UNC13B: variants seen among roughly 807,000 people sequenced by gnomAD.
UNC13B encodes unc-13 homolog B.
UNC13B carries 144 observed loss-of-function variants against 211.0 expected under a neutral mutation model. The observed-to-expected ratio is 0.68, with a 90% confidence interval of 0.60 to 0.78. UNC13B has a LOEUF of 0.78. UNC13B is among the 30% of genes least tolerant of loss of function. The pLI is 0.00. For missense variants in UNC13B, 1,777 were observed against 2,002.0 expected (o/e 0.89, Z 2.14); for synonymous variants, 709 against 725.8 (o/e 0.98, Z 0.37).
chr9:35,367,036 T>A, intron 12 of UNC13B, 43 bp downstream of exon 12: 1 of 1,570,276 alleles, frequency 6.4e-7, no homozygotes, highest in Non-Finnish European at 8.8e-7. Context: ...TTATTCAGTA[T>A]CTCTTGATGC....
In UNC13B at chr9:35,399,826, A is replaced by G; in HGVS notation, c.12336+97A>G. ...ACCAGGTGTCCCTCCAATTCTTAACACTCCACATCCAGAAGAGAGTTACTA... is the reference window on the plus strand; with the variant it reads ...ACCAGGTGTCCCTCCAATTCTTAACGCTCCACATCCAGAAGAGAGTTACTA... On this transcript the variant is annotated intron_variant, in intron 36 of 39. Coordinates refer to ENST00000635942, the MANE Select transcript of UNC13B (RefSeq NM_001371189.2). The G allele has an allele frequency of 2.5e-6, 3 of 1,181,228 alleles. No homozygotes were observed. In the South Asian group the frequency reaches 3.8e-5, roughly 15 times the overall value. 73.2% of individuals were successfully genotyped at this position (1,181,228 alleles called of 1,614,324 possible).
chr9:35,228,129 C>A, intron 2 of UNC13B, 85 bp downstream of exon 2: 4 of 1,210,480 alleles, frequency 3.3e-6, no homozygotes, highest in South Asian at 2.9e-5. Context: ...ATTCATTGAT[C>A]AAATTCAGTA....
At chr9:35,190,759 G>T (rs1822613844) in intron 1 of UNC13B, among the ~76,000 whole-genome samples, 1 of 152,152 alleles carries the variant, frequency 6.6e-6, no homozygotes, top group Non-Finnish European at 1.5e-5. Context: ...AGCCTTTTAA[G>T]TATATCTATA....
chr9:35,178,657 G>A (rs1453914874), intron 1 of UNC13B, among the ~76,000 whole-genome samples: 1 of 151,888 alleles, frequency 6.6e-6, no homozygotes, highest in Non-Finnish European at 1.5e-5. Flanking sequence ...TTGGGAGGCC[G>A]AGGCGGGTGG....
intron 10 of UNC13B, among the ~76,000 whole-genome samples, chr9:35,313,446 G>A (rs1418805896): frequency 3.3e-5 from 5 of 151,858 alleles, no homozygotes; most frequent in Non-Finnish European, 5.9e-5. Flanking sequence ...GCAACATGGC[G>A]AAACATCGTC....
intron 7 of UNC13B, 27 bp from the exon 8 acceptor site, chr9:35,295,669 C>T (rs1222572705): frequency 1.2e-6 from 2 of 1,600,528 alleles, no homozygotes; most frequent in Admixed American, 3.3e-5. Flanking sequence ...AGCTGGGGTG[C>T]TTTGATTGAA....
At position 35,379,647 on chromosome 9, in the gene UNC13B, T is replaced by C. The variant is rs1834684657; in HGVS notation, c.10206-823T>C. Among the ~76,000 whole-genome samples the C allele has an allele frequency of 2.6e-5, 4 of 152,194 alleles. No homozygotes were observed. The South Asian group carries it at 8.3e-4, about 31-fold the overall frequency. On this transcript the variant is annotated intron_variant, in intron 17 of 39. Coordinates refer to ENST00000635942, the MANE Select transcript of UNC13B (RefSeq NM_001371189.2). The stretch of plus-strand genomic sequence containing the variant: ...TTTAGTAAACAGTTTATTAAGCTCA[T>C]ATTCTGTACAAGACACTATACATAA...
chr9:35,324,596 T>C (rs1830908430), intron 11 of UNC13B, among the ~76,000 whole-genome samples: 1 of 152,170 alleles, frequency 6.6e-6, no homozygotes, highest in South Asian at 2.1e-4. Context: ...AACTTAGTGG[T>C]TGCTTTTCAG....
intron 11 of UNC13B, chr9:35,351,235 CAAACTAA>C: frequency 2.9e-6 from 3 of 1,043,110 alleles, no homozygotes; most frequent in Non-Finnish European, 3.5e-6. Context: ...CAACTTGATT[CAAACTAA>C]AATCATCCTG....
chr9:35,394,036 G>A (rs1048887113), intron 26 of UNC13B, among the ~76,000 whole-genome samples: 6 of 152,154 alleles, frequency 3.9e-5, no homozygotes, highest in Admixed American at 1.3e-4. Flanking sequence ...AGTAATCCAG[G>A]TTACAGATGG....
At chr9:35,294,323 T>C (rs1423311144) in intron 7 of UNC13B, among the ~76,000 whole-genome samples, 1 of 152,134 alleles carries the variant, frequency 6.6e-6, no homozygotes, top group Non-Finnish European at 1.5e-5. Context: ...TTTTTTTTTT[T>C]TGAGACGGAG....
chr9:35,378,304 C>A lies in UNC13B; in HGVS notation c.10073C>A (p.Ala3358Asp). ...SAKITITVVC[A>D]QGLQAKDKTG... ...CATGCTTGGGTTGCAGTGGTGTGTGCCCAGGGCCTACAAGCCAAGGACAAA... is the reference window on the plus strand; with the variant it reads ...CATGCTTGGGTTGCAGTGGTGTGTGACCAGGGCCTACAAGCCAAGGACAAA... The change falls in exon 17 of 40, where the codon GCC becomes GAC. Residue 3358 changes from alanine (A) to aspartate (D), a missense_variant. Ala to Asp is a moderately radical substitution (Grantham distance 126). Transcript: ENST00000635942. 1 of 1,614,102 alleles carries A rather than the reference C, an allele frequency of 6.2e-7. No homozygotes were observed. The highest frequency in any genetic ancestry group is 8.5e-7 in the Non-Finnish European group (1 of 1,180,026).
At chr9:35,172,532 C>G (rs1821389488) in intron 1 of UNC13B, among the ~76,000 whole-genome samples, 1 of 152,178 alleles carries the variant, frequency 6.6e-6, no homozygotes, top group Non-Finnish European at 1.5e-5. Context: ...GGTTAGATAA[C>G]CAGCTTTGCA....
intron 10 of UNC13B, among the ~76,000 whole-genome samples, chr9:35,313,349 G>A (rs1184181912): frequency 6.6e-6 from 1 of 152,110 alleles, no homozygotes; most frequent in Non-Finnish European, 1.5e-5. Flanking sequence ...AACAGATGAG[G>A]CGCAGTGGCT....
intron 7 of UNC13B, among the ~76,000 whole-genome samples, chr9:35,282,321 C>G (rs930886471): frequency 3.3e-5 from 5 of 152,150 alleles, no homozygotes; most frequent in Non-Finnish European, 7.4e-5. Flanking sequence ...TTACTCTCTT[C>G]TTGTTCTTTA....
intron 6 of UNC13B, among the ~76,000 whole-genome samples, chr9:35,247,362 T>C (rs888426712): frequency 1.3e-5 from 2 of 152,206 alleles, no homozygotes; most frequent in Non-Finnish European, 2.9e-5. Context: ...TCCTGCCTGA[T>C]TGCCCTGGCC....
At chr9:35,355,437 C>T (rs10511920) in intron 11 of UNC13B, among the ~76,000 whole-genome samples, 3,245 of 152,182 alleles carry the variant, frequency 0.021, 52 homozygotes, top group Middle Eastern at 0.054. Flanking sequence ...TTCAAATTTC[C>T]CTAGAGCTCC....
intron 21 of UNC13B, among the ~76,000 whole-genome samples, chr9:35,383,339 G>A (rs563646326): frequency 5.1e-4 from 77 of 152,268 alleles, no homozygotes; most frequent in Non-Finnish European, 1.1e-3. Context: ...CATTAATTCA[G>A]TATAAACTAG....
At position 35,162,013 on chromosome 9, in the gene UNC13B, C is replaced by T. The variant is rs1820801888; in HGVS notation, c.-271C>T. On this transcript the variant is annotated 5_prime_UTR_variant, in exon 1 of 40. Transcript: ENST00000635942. ...CCGGGTGGAATGACGGGAGGGAGTCCCGGCAGCTCCTACCTCCCAGCGATG... is the reference window on the plus strand; with the variant it reads ...CCGGGTGGAATGACGGGAGGGAGTCTCGGCAGCTCCTACCTCCCAGCGATG... 3.8e-6 allele frequency: 2 copies of T among 529,646 alleles called. No homozygotes were observed. Among genetic ancestry groups the T allele is most frequent in the African/African-American group, 2.0e-5 (1 of 49,194 alleles). The allele number at this position is 529,646 out of a possible 1,614,324, so 32.8% of individuals were successfully genotyped here.
Sources: allele counts gnomAD v4.1 joint callset (sites outside exome capture counted in the v4.1 genomes callset), GRCh38; gene constraint gnomAD v4.1.1; transcripts MANE v1.5; gene names NCBI Gene and HGNC (gene_info 2026-07-23, HGNC 2026-07-21).